UNC13C: variants seen among roughly 807,000 people sequenced by gnomAD.
UNC13C encodes the protein protein unc-13 homolog C.
In UNC13C, 174 loss-of-function variants were observed where a neutral mutation model predicts 245.4. That is an observed-to-expected ratio of 0.71 (90% CI 0.63 to 0.80). UNC13C has a LOEUF of 0.80. UNC13C is among the 30% of genes least tolerant of loss of function. The pLI, the probability that UNC13C is intolerant of heterozygous loss-of-function variation, is 0.00. For missense variants in UNC13C, 2,829 were observed against 2,602.9 expected (o/e 1.09, Z -1.89); for synonymous variants, 992 against 895.1 (o/e 1.11, Z -1.93).
intron 23 of UNC13C, 98 bp from the exon 24 acceptor site, chr15:54,511,655 A>G (rs1393025744): frequency 1.3e-6 from 1 of 793,528 alleles, no homozygotes; most frequent in Non-Finnish European, 2.1e-6. Flanking sequence ...TATAATAGGA[A>G]TCCAAGATAG....
chr15:54,019,539 C>T (rs1028213053), intron 2 of UNC13C, among the ~76,000 whole-genome samples: 2 of 152,136 alleles, frequency 1.3e-5, no homozygotes, highest in Non-Finnish European at 2.9e-5. Context: ...GTTGTATTTG[C>T]AGTCTGATAC....
chr15:54,504,392 C>T (rs1474060235), intron 22 of UNC13C, among the ~76,000 whole-genome samples: 1 of 152,070 alleles, frequency 6.6e-6, no homozygotes, highest in Admixed American at 6.6e-5. Context: ...TTCTTCACAA[C>T]CATCTAATTA....
At chr15:54,008,173 T>C (rs1162764976) in intron 1 of UNC13C, among the ~76,000 whole-genome samples, 5 of 152,220 alleles carry the variant, frequency 3.3e-5, no homozygotes, top group African/African-American at 1.2e-4. Context: ...AATGAATATG[T>C]TAACATATCT....
chr15:54,465,947 A>G (rs745685585), intron 19 of UNC13C, among the ~76,000 whole-genome samples: 18 of 152,210 alleles, frequency 1.2e-4, no homozygotes, highest in Admixed American at 9.8e-4. Context: ...AATCTTGTCC[A>G]TCAACAGATG....
the UNC13C span, among the ~76,000 whole-genome samples, chr15:53,945,935 T>A: frequency 6.6e-6 from 1 of 152,194 alleles, no homozygotes; most frequent in Non-Finnish European, 1.5e-5. Flanking sequence ...AGCAGCGTTT[T>A]GTATCTCTCA....
At chr15:54,213,473 A>T (rs1278635187) in intron 4 of UNC13C, among the ~76,000 whole-genome samples, 1 of 152,036 alleles carries the variant, frequency 6.6e-6, no homozygotes, top group Non-Finnish European at 1.5e-5. Flanking sequence ...GTGCAATGGT[A>T]GCATGGTGAA....
intron 10 of UNC13C, among the ~76,000 whole-genome samples, chr15:54,282,818 G>A (rs2037034170): frequency 6.6e-6 from 1 of 152,172 alleles, no homozygotes; most frequent in South Asian, 2.1e-4. Flanking sequence ...TCAGCGGAGA[G>A]GGGAGCTAGA....
At chr15:54,049,360 C>G (rs1025716921) in intron 2 of UNC13C, 69 of 513,262 alleles carry the variant, frequency 1.3e-4, no homozygotes, top group Non-Finnish European at 2.6e-4. Flanking sequence ...AAGAAAATGT[C>G]TTTCTGCCTG....
At chr15:54,619,824 G>C (rs577631235) in intron 30 of UNC13C, among the ~76,000 whole-genome samples, 1 of 152,248 alleles carries the variant, frequency 6.6e-6, no homozygotes, top group East Asian at 1.9e-4. Context: ...AAGGCATTCT[G>C]TTAAGGAGAA....
At chr15:54,409,922 G>T (rs1335165554) in intron 18 of UNC13C, among the ~76,000 whole-genome samples, 2 of 152,272 alleles carry the variant, frequency 1.3e-5, no homozygotes, top group Middle Eastern at 3.4e-3. Context: ...AATGGTAGTT[G>T]TATTTTACGT....
chr15:53,981,016 G>T (rs377502224), intron 1 of UNC13C, among the ~76,000 whole-genome samples: 1 of 152,302 alleles, frequency 6.6e-6, no homozygotes, highest in South Asian at 2.1e-4. Flanking sequence ...TGGGGCTTAG[G>T]TGGGGTTGGG....
At chr15:53,900,740 T>A in the UNC13C span, among the ~76,000 whole-genome samples, 1 of 152,192 alleles carries the variant, frequency 6.6e-6, no homozygotes, top group Admixed American at 6.5e-5. Context: ...CTCAGATCAA[T>A]GTCCCATCTC....
intron 22 of UNC13C, among the ~76,000 whole-genome samples, chr15:54,504,780 C>G (rs1289929936): frequency 1.3e-5 from 2 of 152,152 alleles, no homozygotes; most frequent in African/African-American, 2.4e-5. Flanking sequence ...AACCACACTT[C>G]TTATCTCACT....
At chr15:54,409,313 A>G (rs2040370544) in intron 18 of UNC13C, among the ~76,000 whole-genome samples, 1 of 151,438 alleles carries the variant, frequency 6.6e-6, no homozygotes, top group African/African-American at 2.4e-5. Flanking sequence ...TCTTTTATAT[A>G]AGCTGTATAT....
At chr15:54,020,193 A>G (rs1170957461) in intron 2 of UNC13C, among the ~76,000 whole-genome samples, 3 of 152,132 alleles carry the variant, frequency 2.0e-5, no homozygotes, top group East Asian at 1.9e-4. Flanking sequence ...ACCTGCTCAC[A>G]CGGCGTTCTT....
chr15:54,497,654 G>C (rs1458370814), intron 20 of UNC13C, among the ~76,000 whole-genome samples: 1 of 152,142 alleles, frequency 6.6e-6, no homozygotes, highest in Non-Finnish European at 1.5e-5. Context: ...ACAAATGTTA[G>C]AGATCAAGGC....
At chr15:54,204,758 T>C (rs774291791) in intron 4 of UNC13C, among the ~76,000 whole-genome samples, 5 of 151,960 alleles carry the variant, frequency 3.3e-5, no homozygotes, top group Non-Finnish European at 7.4e-5. Context: ...AGCAAAAGAA[T>C]TATTATCACA....
At chr15:54,147,123 G>A (rs57018516) in intron 4 of UNC13C, among the ~76,000 whole-genome samples, 55,774 of 151,962 alleles carry the variant, frequency 0.37, 10,308 homozygotes, top group Admixed American at 0.39. Flanking sequence ...GTCAGCTGGA[G>A]GCTTTTACCC....
At chr15:54,370,306 G>A (rs1388861087) in intron 17 of UNC13C, among the ~76,000 whole-genome samples, 1 of 152,048 alleles carries the variant, frequency 6.6e-6, no homozygotes, top group Non-Finnish European at 1.5e-5. Context: ...AAGGCCCTAG[G>A]AACTGTCTAT....
Sources: gnomAD v4.1 joint callset for allele counts (sites outside exome capture counted in the v4.1 genomes callset) on GRCh38, gnomAD v4.1.1 for gene constraint, MANE v1.5 for transcripts, NCBI Gene and HGNC (gene_info 2026-07-23, HGNC 2026-07-21) for gene names.